ZDBF2: variants seen among roughly 807,000 people sequenced by gnomAD.
ZDBF2 encodes zinc finger DBF-type containing 2.
In ZDBF2, 6 loss-of-function variants were observed where a neutral mutation model predicts 9.4. The ratio of observed to expected loss-of-function variants is 0.64; its 90% confidence interval spans 0.35 to 1.27. ZDBF2 has a LOEUF of 1.27. ZDBF2 is among the 50% of genes most tolerant of loss of function. The pLI, the probability that ZDBF2 is intolerant of heterozygous loss-of-function variation, is 0.03. For missense variants in ZDBF2, 2,697 were observed against 2,766.8 expected (o/e 0.97, Z 0.57); for synonymous variants, 905 against 946.3 (o/e 0.96, Z 0.80).
chr2:206,305,691 G>A lies in ZDBF2; in HGVS notation c.1163G>A (p.Trp388Ter), dbSNP rs776264310. Residue 388 changes from tryptophan (W) to a stop codon, truncating the protein, a stop_gained, in exon 5 of 5, where the codon TGG becomes TAG. Coordinates refer to ENST00000374423, the MANE Select transcript of ZDBF2 (RefSeq NM_020923.3). LOFTEE classifies it low-confidence loss of function (END_TRUNC). ...PQETAQDLSL[W>*]KEEQIDQEDN... is the part of the protein sequence containing the mutation. ...GAGACTGCACAAGACTTAAGTCTTT[G>A]GAAGGAGGAGCAAATTGACCAAGAA... The A allele has an allele frequency of 4.3e-6, 7 of 1,613,544 alleles. No homozygotes were observed. The highest frequency in any genetic ancestry group is 8.5e-7 in the Non-Finnish European group (1 of 1,179,786).
At chr2:206,292,837 A>T (rs1281905056) in intron 3 of ZDBF2, among the ~76,000 whole-genome samples, 1 of 152,152 alleles carries the variant, frequency 6.6e-6, no homozygotes, top group African/African-American at 2.4e-5. Flanking sequence ...ATAAACCTTG[A>T]AAGAAATTTT....
Position 206,304,816 on chromosome 2 carries a change from G to A in ZDBF2, c.288G>A (p.Lys96=), listed in dbSNP as rs751195133. The change falls in exon 5 of 5, where the codon AAG becomes AAA. Residue 96 remains lysine (K), a synonymous_variant. Coordinates refer to ENST00000374423, the MANE Select transcript of ZDBF2 (RefSeq NM_020923.3). ...FSEEEEEDED[K]VEDEDATEER... is the part of the protein sequence containing the mutation. ...AAGAAGAGGAAGAGGATGAGGATAA[G>A]GTTGAGGATGAGGATGCTACCGAAG... The A allele has an allele frequency of 1.2e-6, 2 of 1,613,752 alleles. No individual in the cohort carries two copies. Among genetic ancestry groups the A allele is most frequent in the Non-Finnish European group, 1.7e-6 (2 of 1,179,768 alleles).
rs1692775626 is a variant in ZDBF2 at position 206,306,092 on chromosome 2, G to C, written c.1564G>C (p.Val522Leu). 6.2e-6 allele frequency: 10 copies of C among 1,613,828 alleles called. No homozygotes were observed. Among genetic ancestry groups the C allele is most frequent in the Non-Finnish European group, 7.6e-6 (9 of 1,179,808 alleles). ...AACAGAAGTAAACCTTCCTAAGGAA[G>C]TGCACATTGGTTTGGTTGATAAGAA... ...SVTEVNLPKE[V>L]HIGLVDKNYG... The change falls in exon 5 of 5, where the codon GTG becomes CTG. Residue 522 changes from valine to leucine, a missense_variant. Coordinates refer to ENST00000374423, the MANE Select transcript of ZDBF2 (RefSeq NM_020923.3).
intron 3 of ZDBF2, among the ~76,000 whole-genome samples, chr2:206,291,804 C>T (rs1691913713): frequency 6.6e-6 from 1 of 152,032 alleles, no homozygotes; most frequent in Non-Finnish European, 1.5e-5. Context: ...TGTTTGCAGC[C>T]TTGTATTTCA....
intron 3 of ZDBF2, among the ~76,000 whole-genome samples, chr2:206,296,091 T>A (rs1315000774): frequency 1.3e-5 from 2 of 152,110 alleles, no homozygotes; most frequent in African/African-American, 4.8e-5. Context: ...TAAGAAAAAT[T>A]GAAAAATTAC....
chr2:206,298,160 C>T (rs1305079845), intron 4 of ZDBF2, among the ~76,000 whole-genome samples: 1 of 152,092 alleles, frequency 6.6e-6, no homozygotes, highest in Non-Finnish European at 1.5e-5. Flanking sequence ...TTCTTGTATC[C>T]ATTTGTTTTA....
chr2:206,294,593 G>T (rs2105924911), intron 3 of ZDBF2, among the ~76,000 whole-genome samples: 1 of 152,300 alleles, frequency 6.6e-6, no homozygotes, highest in African/African-American at 2.4e-5. Context: ...CCATCACCCA[G>T]CTAGTGAGCA....
chr2:206,310,254 T>TAGATATCTAAG lies in ZDBF2; in HGVS notation c.5726_5727insAGATATCTAAG (p.Ser1910AspfsTer3). The TAGATATCTAAG allele has an allele frequency of 6.2e-7, 1 of 1,613,988 alleles. No homozygotes were observed. The highest frequency in any genetic ancestry group is 8.5e-7 in the Non-Finnish European group (1 of 1,179,896). On this transcript the variant is annotated stop_gained and frameshift_variant, in exon 5 of 5. Transcript: ENST00000374423. LOFTEE classifies it low-confidence loss of function (END_TRUNC). ...TGTGGTATTTCAGATATTGATGACT[T>TAGATATCTAAG]GTCAGTGGCCTTAGATAAACCATGC...
At chr2:206,293,331 A>G (rs1236793789) in intron 3 of ZDBF2, among the ~76,000 whole-genome samples, 1 of 152,198 alleles carries the variant, frequency 6.6e-6, no homozygotes, top group Non-Finnish European at 1.5e-5. Context: ...ATTTGGCTAC[A>G]TGTTGTAGCC....
rs755814895 is a variant in ZDBF2 at position 206,308,662 on chromosome 2, A to C, written c.4134A>C (p.Ala1378=). The C allele has an allele frequency of 1.9e-6, 3 of 1,612,438 alleles. No homozygotes were observed. The highest frequency in any genetic ancestry group is 2.5e-6 in the Non-Finnish European group (3 of 1,179,850). The change falls in exon 5 of 5, where the codon GCA becomes GCC. Residue 1378 remains alanine (A), a synonymous_variant. Coordinates refer to ENST00000374423, the MANE Select transcript of ZDBF2 (RefSeq NM_020923.3). ...SDSNDSFQAA[A]DELQKPVKEI... is the part of the protein sequence containing the mutation. The stretch of plus-strand genomic sequence containing the variant: ...CCAATGACTCTTTTCAGGCAGCAGC[A>C]GATGAGCTTCAAAAACCTGTCAAAG...
Position 206,286,437 on chromosome 2 carries a change from C to G in ZDBF2, c.60+4528C>G, listed in dbSNP as rs116817644. The stretch of plus-strand genomic sequence containing the variant: ...CATTATATGATGGCCCTCTTTGTCT[C>G]TTTTTACAGTTTTTGACTTAAAGTC... On this transcript the variant is annotated intron_variant, in intron 3 of 4. Coordinates refer to ENST00000374423, the MANE Select transcript of ZDBF2 (RefSeq NM_020923.3). Among the ~76,000 whole-genome samples the G allele has an allele frequency of 6.8e-3, 1,029 of 152,056 alleles. 17 individuals carry two copies. Among genetic ancestry groups the G allele is most frequent in the African/African-American group, 0.023 (939 of 41,466 alleles).
intron 3 of ZDBF2, among the ~76,000 whole-genome samples, chr2:206,289,631 G>T (rs1364955725): frequency 6.6e-6 from 1 of 152,214 alleles, no homozygotes; most frequent in Non-Finnish European, 1.5e-5. Flanking sequence ...ACACGTTTCA[G>T]CCATAGTTCC....
chr2:206,280,454 A>C (rs778310833), intron 2 of ZDBF2, among the ~76,000 whole-genome samples: 1 of 152,174 alleles, frequency 6.6e-6, no homozygotes, highest in Non-Finnish European at 1.5e-5. Flanking sequence ...GGATTTTTCA[A>C]AGTTTACATT....
intron 3 of ZDBF2, chr2:206,292,231 A>T: frequency 5.1e-6 from 2 of 395,834 alleles, no homozygotes; most frequent in Non-Finnish European, 8.9e-6. Context: ...TGCATTGTTT[A>T]TAAAGAGAAT....
Position 206,308,940 on chromosome 2 carries a change from T to C in ZDBF2, c.4412T>C (p.Val1471Ala). 6.2e-7 allele frequency: 1 copy of C among 1,613,468 alleles called. No individual in the cohort carries two copies. The change falls in exon 5 of 5, where the codon GTG becomes GCG. Residue 1471 changes from valine to alanine, a missense_variant. Physicochemically the swap from Val to Ala is moderately conservative, Grantham distance 64 (BLOSUM62 0). Transcript: ENST00000374423. The part of the protein sequence containing the change: ...HLQSEVDQPQ[V>A]SYKEADLQKE... ...CAGTCAGAAGTTGACCAACCTCAAG[T>C]GTCTTACAAAGAGGCAGACCTTCAG...
At chr2:206,281,950 T>G in intron 3 of ZDBF2, 41 bp downstream of exon 3, 1 of 1,516,746 alleles carries the variant, frequency 6.6e-7, no homozygotes, top group East Asian at 2.3e-5. Context: ...TCAAAGGACC[T>G]AGTTGTGACT....
intron 3 of ZDBF2, among the ~76,000 whole-genome samples, chr2:206,283,291 C>T (rs961165553): frequency 1.3e-5 from 2 of 152,130 alleles, no homozygotes; most frequent in Non-Finnish European, 2.9e-5. Flanking sequence ...GGGTGCCTCA[C>T]CGTTTGTCAA....
intron 3 of ZDBF2, among the ~76,000 whole-genome samples, chr2:206,286,562 TAA>T (rs74627955): frequency 2.1e-5 from 3 of 145,978 alleles, no homozygotes; most frequent in African/African-American, 5.0e-5. Flanking sequence ...ATATGTGTCT[TAA>T]AAAAAAAAAA....
Position 206,306,555 on chromosome 2 carries a change from T to C in ZDBF2, c.2027T>C (p.Leu676Ser). 1 of 1,613,700 alleles carries C rather than the reference T, an allele frequency of 6.2e-7. No individual in the cohort carries two copies. The highest frequency in any genetic ancestry group is 8.5e-7 in the Non-Finnish European group (1 of 1,179,770). The change falls in exon 5 of 5, where the codon TTA becomes TCA. Residue 676 changes from leucine (L) to serine (S), a missense_variant. By Grantham distance (145) the Leu-to-Ser change is moderately radical. This residue lies in a region of ZDBF2 where 910 missense variants were observed against 973.6 expected (regional missense o/e 0.93). Coordinates refer to ENST00000374423, the MANE Select transcript of ZDBF2 (RefSeq NM_020923.3). ...PEMGFQADAQ[L>S]ADQSQVAEIE... ...ATGGGTTTTCAGGCTGATGCTCAAT[T>C]AGCTGACCAGTCTCAAGTAGCCGAA...
Sources: gnomAD v4.1 joint callset for allele counts (sites outside exome capture counted in the v4.1 genomes callset) on GRCh38, gnomAD v4.1.1 for gene constraint, gnomAD v4.1.1 regional missense constraint, MANE v1.5 for transcripts, NCBI Gene and HGNC (gene_info 2026-07-23, HGNC 2026-07-21) for gene names.